DDX19A: variants seen among roughly 807,000 people sequenced by gnomAD.
DDX19A encodes ATP-dependent RNA helicase DDX19A.
In DDX19A, 12 loss-of-function variants were observed where a neutral mutation model predicts 60.6. The observed-to-expected ratio is 0.20, with a 90% CI of 0.13 to 0.32. The LOEUF (loss-of-function observed/expected upper bound fraction) is 0.32. Ranked by LOEUF, DDX19A falls within the 10% of genes least tolerant of loss-of-function variation. The pLI is 1.00. For missense variants in DDX19A, 337 were observed against 600.6 expected (o/e 0.56, Z 4.59); for synonymous variants, 206 against 218.2 (o/e 0.94, Z 0.49).
intron 2 of DDX19A, among the ~76,000 whole-genome samples, chr16:70,354,552 G>A (rs1202618950): frequency 6.6e-6 from 1 of 152,114 alleles, no homozygotes; most frequent in Non-Finnish European, 1.5e-5. Flanking sequence ...GGTAAAAAAT[G>A]GTAGACTATG....
chr16:70,369,938 A>C (rs752912758), intron 9 of DDX19A, among the ~76,000 whole-genome samples: 15 of 152,158 alleles, frequency 9.9e-5, no homozygotes, highest in Non-Finnish European at 2.1e-4. Flanking sequence ...TAAGATTACA[A>C]GCCAGGTGAC....
At chr16:70,369,113 C>T (rs1006383858) in intron 9 of DDX19A, among the ~76,000 whole-genome samples, 6 of 151,608 alleles carry the variant, frequency 4.0e-5, no homozygotes, top group Admixed American at 6.6e-5. Flanking sequence ...GTGATCCGCC[C>T]GCCTCGGCCT....
chr16:70,362,854 A>G (rs938330450), intron 5 of DDX19A, among the ~76,000 whole-genome samples: 1 of 151,878 alleles, frequency 6.6e-6, no homozygotes, highest in Non-Finnish European at 1.5e-5. Context: ...TCTACAAAAA[A>G]TACAAAAAAA....
At chr16:70,350,784 C>A (rs1567648669) in intron 2 of DDX19A, among the ~76,000 whole-genome samples, 179 bp downstream of exon 2, 1 of 151,776 alleles carries the variant, frequency 6.6e-6, no homozygotes, top group African/African-American at 2.4e-5. Flanking sequence ...CCTTTGACTT[C>A]TTAAAATTAA....
At chr16:70,358,703 G>A (rs545674288) in intron 4 of DDX19A, among the ~76,000 whole-genome samples, 127 of 152,084 alleles carry the variant, frequency 8.4e-4, no homozygotes, top group African/African-American at 2.9e-3. Context: ...AAAATTAGCC[G>A]GCTGTAATGG....
At chr16:70,353,275 C>T (rs1039733457) in intron 2 of DDX19A, among the ~76,000 whole-genome samples, 4 of 151,774 alleles carry the variant, frequency 2.6e-5, no homozygotes, top group African/African-American at 9.7e-5. Flanking sequence ...CCTTGCATGC[C>T]CAGCTAATTT....
At position 70,371,419 on chromosome 16, in the gene DDX19A, G is replaced by A. The variant is rs1964683941; in HGVS notation, c.1231G>A (p.Val411Met). The A allele has an allele frequency of 3.7e-6, 6 of 1,613,354 alleles. No homozygotes were observed. The highest frequency in any genetic ancestry group is 2.2e-5 in the East Asian group (1 of 44,874). Residue 411 changes from valine (V) to methionine (M), a missense_variant, in exon 11 of 12, where the codon GTG (valine) becomes ATG (methionine). By Grantham distance (21) the Val-to-Met change is conservative. Around this residue, in one of 6 missense-constraint regions of DDX19A, gnomAD observed 117 missense variants for 274.3 expected, o/e 0.43. Transcript: ENST00000302243. ...TGTCGTCATCAACTTTGATCTTCCC[G>A]TGGACAAGGACGGGAATCCTGACAA... ...VSVVINFDLP[V>M]DKDGNPDNET...
chr16:70,359,141 C>T (rs960713138), intron 4 of DDX19A, among the ~76,000 whole-genome samples: 1 of 152,138 alleles, frequency 6.6e-6, no homozygotes, highest in Non-Finnish European at 1.5e-5. Flanking sequence ...CCAAGATCAC[C>T]TAATGTACTT....
intron 10 of DDX19A, 61 bp downstream of exon 10, chr16:70,370,446 C>T (rs1396012061): frequency 7.0e-6 from 11 of 1,573,784 alleles, no homozygotes; most frequent in Admixed American, 3.8e-5. Context: ...CCAATTAGAG[C>T]CAGAAATCCT....
At position 70,350,596 on chromosome 16, in the gene DDX19A, G is replaced by C; in HGVS notation, c.97G>C (p.Asp33His). Residue 33 changes from aspartate to histidine, a missense_variant, in exon 2 of 12, where the codon GAT becomes CAT. By Grantham distance (81) the Asp-to-His change is moderately conservative (BLOSUM62 -1). Transcript: ENST00000302243. The stretch of plus-strand genomic sequence containing the variant: ...GATCAAGGAAGAGAAAGTCAAAGCA[G>C]ATACCAATGGTGAGTCACTAGTAAC... Reference protein sequence around the residue: ...LQIKEEKVKADTNGIIKTSTT... With the variant: ...LQIKEEKVKAHTNGIIKTSTT... 6.2e-7 allele frequency: 1 copy of C among 1,611,848 alleles called. No homozygotes were observed. The highest frequency in any genetic ancestry group is 8.5e-7 in the Non-Finnish European group (1 of 1,178,950).
intron 2 of DDX19A, among the ~76,000 whole-genome samples, chr16:70,353,435 G>T (rs929789320): frequency 6.6e-6 from 1 of 151,920 alleles, no homozygotes; most frequent in Admixed American, 6.6e-5. Context: ...TTTTTTTTAA[G>T]ACGTGATCTT....
intron 2 of DDX19A, among the ~76,000 whole-genome samples, chr16:70,352,543 A>T (rs895005289): frequency 3.3e-5 from 5 of 151,924 alleles, no homozygotes; most frequent in Admixed American, 6.6e-5. Flanking sequence ...TCGGCCTCCC[A>T]AAGTGCTGGG....
intron 2 of DDX19A, among the ~76,000 whole-genome samples, chr16:70,351,578 G>A (rs1964019943): frequency 6.6e-6 from 1 of 151,884 alleles, no homozygotes; most frequent in African/African-American, 2.4e-5. Flanking sequence ...AGGCCGGAGT[G>A]CAGTGGTGTG....
rs997275559 is a variant in DDX19A, at chr16:70,365,974, G to A, written c.605-111G>A. 8 of 1,529,264 alleles carry A rather than the reference G, an allele frequency of 5.2e-6. No homozygotes were observed. The African/African-American group carries it at 1.1e-4, about 21-fold the overall frequency. 94.7% of individuals were successfully genotyped at this position (1,529,264 alleles called of 1,614,324 possible). ...TGAGGGGAACACTCATGTGTGTTTT[G>A]AAATCTGGAAATAACTTGTTCTCCT... On this transcript the variant is annotated intron_variant, in intron 7 of 11. Coordinates refer to ENST00000302243, the MANE Select transcript of DDX19A (RefSeq NM_018332.5).
At chr16:70,360,090 G>A (rs574299899) in intron 4 of DDX19A, among the ~76,000 whole-genome samples, 1 of 151,926 alleles carries the variant, frequency 6.6e-6, no homozygotes, top group Admixed American at 6.6e-5. Context: ...AGACCAGCCT[G>A]GCCAACATGG....
chr16:70,363,630 C>T (rs1964433850), intron 5 of DDX19A: 1 of 151,960 alleles, frequency 6.6e-6, no homozygotes, highest in Non-Finnish European at 1.5e-5. Context: ...CCACCGCACC[C>T]AGCCTAATTT....
chr16:70,351,482 C>T (rs1468090251), intron 2 of DDX19A, among the ~76,000 whole-genome samples: 1 of 152,116 alleles, frequency 6.6e-6, no homozygotes, highest in Non-Finnish European at 1.5e-5. Context: ...GCTGGGATTA[C>T]AGGCATGAGT....
Position 70,356,258 on chromosome 16 carries a change from G to T in DDX19A, c.293+11G>T. The T allele has an allele frequency of 1.2e-6, 2 of 1,614,058 alleles. No individual in the cohort carries two copies. The highest frequency in any genetic ancestry group is 1.7e-6 in the Non-Finnish European group (2 of 1,180,008). On this transcript the variant is annotated intron_variant, in intron 4 of 11. Transcript: ENST00000302243. The stretch of plus-strand genomic sequence containing the variant: ...TGAAGAGCTTCGGCTGTGAGTATTC[G>T]CTCCTTTCAACAGCTCTTCGTTGCC...
chr16:70,353,916 A>AC (rs1428528802), intron 2 of DDX19A, among the ~76,000 whole-genome samples: 51 of 151,670 alleles, frequency 3.4e-4, no homozygotes, highest in African/African-American at 1.1e-3. Context: ...AAAAAAAAAA[A>AC]AACACAGGCT....
Sources: gnomAD v4.1 joint callset for allele counts (sites outside exome capture counted in the v4.1 genomes callset) on GRCh38, gnomAD v4.1.1 for gene constraint, gnomAD v4.1.1 regional missense constraint, MANE v1.5 for transcripts, NCBI Gene and HGNC (gene_info 2026-07-23, HGNC 2026-07-21) for gene names.